DYRK1B: variants seen among roughly 807,000 people sequenced by gnomAD.
DYRK1B encodes the protein dual specificity tyrosine phosphorylation regulated kinase 1B, also known as dual specificity tyrosine-phosphorylation-regulated kinase 1B.
Under a neutral mutation model 57.1 loss-of-function variants are expected in DYRK1B, and 20 were observed. The ratio of observed to expected loss-of-function variants is 0.35; its 90% CI spans 0.25 to 0.51. The LOEUF is 0.51. DYRK1B is among the 20% of genes least tolerant of loss of function. The pLI is 0.96. For synonymous variants in DYRK1B, 409 were observed against 384.7 expected (o/e 1.06, Z -0.74); for missense variants, 732 against 886.3 (o/e 0.83, Z 2.21).
At chr19:39,827,735 C>T (rs1479402622) in intron 6 of DYRK1B, 79 bp from the exon 7 acceptor site, 13 of 1,531,720 alleles carry the variant, frequency 8.5e-6, no homozygotes, top group Non-Finnish European at 1.1e-5. Flanking sequence ...GAGGACCCAA[C>T]TGAGGACAGG....
At chr19:39,832,876 T>C (rs893585535) in intron 1 of DYRK1B, 3 of 981,260 alleles carry the variant, frequency 3.1e-6, no homozygotes, top group Non-Finnish European at 3.6e-6. Flanking sequence ...AGGAGGTGTC[T>C]CTTCCCACAG....
chr19:39,828,081 G>A lies in DYRK1B; in HGVS notation c.807+216C>T, dbSNP rs1968624096. Among the ~76,000 whole-genome samples the A allele has an allele frequency of 6.6e-6, 1 of 152,112 alleles. No homozygotes were observed. On this transcript the variant is annotated intron_variant, in intron 6 of 10. Coordinates refer to ENST00000323039, the MANE Select transcript of DYRK1B (RefSeq NM_004714.3). The surrounding 1 kb of genome is among the most constrained non-coding windows in gnomAD (Gnocchi z 4.3). ...CTCAAACCCAACCCAACTTCACCCTGTTCACATCTGGCAGCTTCAAAATGG... is the reference window on the plus strand; with the variant it reads ...CTCAAACCCAACCCAACTTCACCCTATTCACATCTGGCAGCTTCAAAATGG...
chr19:39,830,259 G>GA, intron 4 of DYRK1B, 116 bp downstream of exon 4: 1 of 1,372,134 alleles, frequency 7.3e-7, no homozygotes, highest in East Asian at 2.3e-5. Flanking sequence ...GAGGCACAGG[G>GA]AAACTAAGTG....
Position 39,830,680 on chromosome 19 carries a change from T to A in DYRK1B, c.167A>T (p.Tyr56Phe). ...RKLSVDLIKT[Y>F]KHINEVYYAK... is the part of the protein sequence containing the mutation. ...CCTGCCCACCTCATTGATGTGCTTG[T>A]AGGTCTTGATGAGGTCCACAGAGAG... Residue 56 changes from tyrosine to phenylalanine, a missense_variant, in exon 3 of 11, where the codon TAC becomes TTC. Physicochemically the swap from Tyr to Phe is conservative, Grantham distance 22. Around this residue, in one of 2 missense-constraint regions of DYRK1B, gnomAD observed 510 missense variants for 681.3 expected, o/e 0.75. Transcript: ENST00000323039. 6.2e-7 allele frequency: 1 copy of A among 1,614,036 alleles called. No individual in the cohort carries two copies. The highest frequency in any genetic ancestry group is 8.5e-7 in the Non-Finnish European group (1 of 1,179,980).
chr19:39,828,735 T>A lies in DYRK1B; in HGVS notation c.521-152A>T. On this transcript the variant is annotated intron_variant, in intron 5 of 10. Transcript: ENST00000323039. This position sits in a 1 kb window ranked among gnomAD's most constrained non-coding sequence, Gnocchi z 4.3. ...AGTCAAAATCTTTTTATCTAACAAC[T>A]AGATTCACACAGGAAGTTAATGCTC... 1 of 776,102 alleles carries A rather than the reference T, an allele frequency of 1.3e-6. No individual in the cohort carries two copies. Among genetic ancestry groups the A allele is most frequent in the Non-Finnish European group, 2.1e-6 (1 of 487,028 alleles). The allele number at this position is 776,102 out of a possible 1,614,324, so 48.1% of individuals were successfully genotyped here.
chr19:39,828,462 G>C lies in DYRK1B; in HGVS notation c.642C>G (p.Thr214=), dbSNP rs750085108. ...THFRGVSLNL[T]RKLAQQLCTA... ...TGCAGAGCTGCTGCGCCAGCTTCCG[G>C]GTCAGGTTCAGCGAGACGCCGCGGA... The change falls in exon 6 of 11, where the codon ACC becomes ACG. Residue 214 remains threonine, a synonymous_variant. Transcript: ENST00000323039. This position sits in a 1 kb window ranked among gnomAD's most constrained non-coding sequence, Gnocchi z 4.3. The C allele has an allele frequency of 6.2e-7, 1 of 1,613,910 alleles. No individual in the cohort carries two copies. The highest frequency in any genetic ancestry group is 1.1e-5 in the South Asian group (1 of 91,018).
intron 1 of DYRK1B, chr19:39,833,388 C>CCCGG: frequency 6.1e-6 from 6 of 981,792 alleles, no homozygotes; most frequent in Non-Finnish European, 7.3e-6. Flanking sequence ...CTGTCTCTGG[C>CCCGG]CCGGCCGGCC....
chr19:39,826,107 T>A lies in DYRK1B; in HGVS notation c.1519-21A>T. The A allele has an allele frequency of 6.5e-7, 1 of 1,540,530 alleles. No individual in the cohort carries two copies. Among genetic ancestry groups the A allele is most frequent in the Non-Finnish European group, 8.7e-7 (1 of 1,149,640 alleles). On this transcript the variant is annotated intron_variant, in intron 10 of 10. Transcript: ENST00000323039. This position sits in a 1 kb window ranked among gnomAD's most constrained non-coding sequence, Gnocchi z 6.3. ...GGGACCTAAAAAAGCAAAGGAGCCA[T>A]GGGTGATGGAGACCCTGGTCTCTAA... is the stretch of plus-strand genomic sequence containing the variant.
At chr19:39,830,590 G>C in intron 3 of DYRK1B, 27 bp from the exon 4 acceptor site, 1 of 1,613,928 alleles carries the variant, frequency 6.2e-7, no homozygotes, top group Middle Eastern at 1.7e-4. Flanking sequence ...CCAGGAGATG[G>C]GGACTGGTGA....
At chr19:39,832,800 G>A (rs1968881327) in intron 1 of DYRK1B, among the ~76,000 whole-genome samples, 1 of 151,908 alleles carries the variant, frequency 6.6e-6, no homozygotes, top group Non-Finnish European at 1.5e-5. Context: ...ACCACAACAG[G>A]GTTCTTCCCC....
At position 39,830,483 on chromosome 19, in the gene DYRK1B, C is replaced by T. The variant is rs780629324; in HGVS notation, c.264G>A (p.Leu88=). ...GGTTGTCGTCATCATAACCATGGTT[C>T]AGGACCTTCTTCTCCTTCTTGTTGC... The part of the protein sequence containing the change: ...DSSNKKEKKV[L]NHGYDDDNHD... The change falls in exon 4 of 11, where the codon CTG becomes CTA. Residue 88 remains leucine (L), a synonymous_variant. Coordinates refer to ENST00000323039, the MANE Select transcript of DYRK1B (RefSeq NM_004714.3). 1 of 1,614,220 alleles carries T rather than the reference C, an allele frequency of 6.2e-7. No homozygotes were observed. Among genetic ancestry groups the T allele is most frequent in the Admixed American group, 1.7e-5 (1 of 60,034 alleles).
In DYRK1B at chr19:39,826,661, TGGGCACCC is replaced by T; in HGVS notation, c.1411+3_1411+10del. 6.3e-7 allele frequency: 1 copy of T among 1,591,430 alleles called. No homozygotes were observed. The highest frequency in any genetic ancestry group is 1.1e-5 in the South Asian group (1 of 87,452). ...ACCCGTTGTACCCCATTTGGGCACC[TGGGCACCC>T]ACCAGAACTGGAGATGGAGCTGGCG... is the stretch of plus-strand genomic sequence containing the variant. On this transcript the variant is annotated splice_donor_5th_base_variant and intron_variant, in intron 9 of 10. Coordinates refer to ENST00000323039, the MANE Select transcript of DYRK1B (RefSeq NM_004714.3). The surrounding 1 kb of genome is among the most constrained non-coding windows in gnomAD (Gnocchi z 6.3).
At position 39,833,592 on chromosome 19, in the gene DYRK1B, G is replaced by GC. The variant is rs1036214086; in HGVS notation, c.-102+430dup. 239 of 153,986 alleles carry GC rather than the reference G, an allele frequency of 1.6e-3. 2 individuals are homozygous for GC. Among genetic ancestry groups the GC allele is most frequent in the Middle Eastern group, 3.4e-3 (1 of 298 alleles). The allele number at this position is 153,986 out of a possible 1,614,324, so 9.5% of individuals were successfully genotyped here. ...CCAGCCCCTAGGGACCCGGCGTCCC[G>GC]CCCCCCACCCAGGAGGCCCTCCTGG... On this transcript the variant is annotated intron_variant, in intron 1 of 10. Transcript: ENST00000323039.
In DYRK1B at chr19:39,832,552, A is replaced by G. The variant is rs149767704; in HGVS notation, c.-101-584T>C. On this transcript the variant is annotated intron_variant, in intron 1 of 10. Transcript: ENST00000323039. ...GTCTTCCCCTCCCAAACCACAGCAGAGTCCTCTGCAGCCCTAAAACCACAT... is the reference window on the plus strand; with the variant it reads ...GTCTTCCCCTCCCAAACCACAGCAGGGTCCTCTGCAGCCCTAAAACCACAT... Among the ~76,000 whole-genome samples, 230 of 152,232 alleles carry G rather than the reference A, an allele frequency of 1.5e-3. 1 individual carries two copies. Among genetic ancestry groups the G allele is most frequent in the African/African-American group, 5.3e-3 (218 of 41,518 alleles).
chr19:39,826,353 A>G lies in DYRK1B; in HGVS notation c.1412-67T>C. 7.5e-7 allele frequency: 1 copy of G among 1,329,162 alleles called. No individual in the cohort carries two copies. Among genetic ancestry groups the G allele is most frequent in the Non-Finnish European group, 1.0e-6 (1 of 975,086 alleles). The allele number at this position is 1,329,162 out of a possible 1,614,324, so 82.3% of individuals were successfully genotyped here. A position where few individuals can be genotyped will look rare whatever the true frequency, so the allele number is the denominator to read the frequency against. ...GAGAAGGTGGCGAGTGGGTTTTGGG[A>G]TGGCTGAGGGAAGGTCACGGCCCAG... On this transcript the variant is annotated intron_variant, in intron 9 of 10. Coordinates refer to ENST00000323039, the MANE Select transcript of DYRK1B (RefSeq NM_004714.3). The surrounding 1 kb of genome is among the most constrained non-coding windows in gnomAD (Gnocchi z 6.3).
chr19:39,826,002 G>A lies in DYRK1B; in HGVS notation c.1603C>T (p.Leu535=). 2 of 1,523,160 alleles carry A rather than the reference G, an allele frequency of 1.3e-6. No individual in the cohort carries two copies. The highest frequency in any genetic ancestry group is 1.8e-6 in the Non-Finnish European group (2 of 1,137,738). 94.4% of individuals were successfully genotyped at this position (1,523,160 alleles called of 1,614,324 possible). A position where few individuals can be genotyped will look rare whatever the true frequency, so the allele number is the denominator to read the frequency against. Residue 535 remains leucine, a synonymous_variant, in exon 11 of 11, where the codon CTG becomes TTG. Coordinates refer to ENST00000323039, the MANE Select transcript of DYRK1B (RefSeq NM_004714.3). This position sits in a 1 kb window ranked among gnomAD's most constrained non-coding sequence, Gnocchi z 6.3. ...THQAPASASS[L]PGTGAQLPPQ... Reference sequence around the variant, plus strand: ...GGTAACTGGGCCCCGGTCCCAGGCAGTGACGAGGCAGAGGCAGGGGCTTGA... The same window carrying A: ...GGTAACTGGGCCCCGGTCCCAGGCAATGACGAGGCAGAGGCAGGGGCTTGA...
At chr19:39,827,186 G>A in intron 8 of DYRK1B, 99 bp downstream of exon 8, 30 of 1,442,604 alleles carry the variant, frequency 2.1e-5, no homozygotes, top group Non-Finnish European at 2.8e-5. Context: ...GGAGTGGAAG[G>A]AAGGGAAAGA....
chr19:39,829,449 G>C (rs910007662), intron 5 of DYRK1B, among the ~76,000 whole-genome samples: 2 of 152,004 alleles, frequency 1.3e-5, no homozygotes, highest in Non-Finnish European at 2.9e-5. Flanking sequence ...GGATGGTCTC[G>C]ATCTCTTGAT....
rs752872264 is a variant in DYRK1B, at chr19:39,827,472, C to G, written c.954+38G>C. ...GGTCATCAGGCCAGCCAGGCTCCAC[C>G]CCCTCCACCTCCAGCACACCCCTTC... is the stretch of plus-strand genomic sequence containing the variant. On this transcript the variant is annotated intron_variant, in intron 7 of 10. Coordinates refer to ENST00000323039, the MANE Select transcript of DYRK1B (RefSeq NM_004714.3). The G allele has an allele frequency of 1.9e-6, 3 of 1,609,760 alleles. 1 individual carries two copies. The South Asian group carries it at 3.3e-5, about 18-fold the overall frequency.
Sources: allele counts gnomAD v4.1 joint callset (sites outside exome capture counted in the v4.1 genomes callset), GRCh38; gene constraint gnomAD v4.1.1; regional missense constraint gnomAD v4.1.1; non-coding constraint Gnocchi (gnomAD v3.1); transcripts MANE v1.5; gene names NCBI Gene and HGNC (gene_info 2026-07-23, HGNC 2026-07-21).